The following KIAA1210 variants were observed in gnomAD, a reference collection of about 807,000 sequenced individuals.
The protein encoded by KIAA1210 is acrosomal protein KIAA1210.
Under a neutral mutation model 78.9 loss-of-function variants are expected in KIAA1210, and 48 were observed. That is an observed-to-expected ratio of 0.61 (90% CI 0.48 to 0.77). KIAA1210 has a LOEUF of 0.77. Ranked by LOEUF, KIAA1210 falls within the 30% of genes least tolerant of loss-of-function variation. KIAA1210 has a pLI of 0.00. For synonymous variants in KIAA1210, 406 were observed against 404.5 expected, an observed-to-expected ratio of 1.00 and a Z score of -0.04; for missense variants, 1,108 against 1,100.0, an observed-to-expected ratio of 1.01 and a Z score of -0.10.
At chrX:119,117,592 A>G (rs1246904528) in intron 2 of KIAA1210, among the ~76,000 whole-genome samples, 2 of 99,083 alleles carry the variant, frequency 2.0e-5, no homozygotes, top group Non-Finnish European at 4.0e-5. Flanking sequence ...TTTTTGAGAC[A>G]GAGCCTCACT....
intron 1 of KIAA1210, among the ~76,000 whole-genome samples, chrX:119,147,814 A>T (rs776087426): frequency 9.0e-6 from 1 of 111,506 alleles, no homozygotes; most frequent in East Asian, 2.8e-4. Flanking sequence ...TGAAATCGGA[A>T]ATGGGTTGTA....
Position 119,088,420 on chromosome X carries a change from T to C in KIAA1210, c.2282A>G (p.Lys761Arg). Residue 761 changes from lysine to arginine, a missense_variant, in exon 9 of 12, where the codon AAA (lysine) becomes AGA (arginine). By Grantham distance (26) the Lys-to-Arg change is conservative. Coordinates refer to ENST00000691062, the MANE Select transcript of KIAA1210 (RefSeq NM_001394962.1). ...GATTGGCTCCACGGAATCGCTCTGT[T>C]TTATAGAAGTGCCCACTGAACTGGT... Reference protein sequence around the residue: ...VPTSSVGTSIKQSDSVEPIPP... With the variant: ...VPTSSVGTSIRQSDSVEPIPP... 8.3e-7 allele frequency: 1 copy of C among 1,211,203 alleles called. No homozygotes were observed. Among genetic ancestry groups the C allele is most frequent in the Non-Finnish European group, 1.1e-6 (1 of 895,277 alleles).
chrX:119,115,180 C>T (rs2147186394), intron 3 of KIAA1210, among the ~76,000 whole-genome samples: 1 of 111,497 alleles, frequency 9.0e-6, no homozygotes, highest in Non-Finnish European at 1.9e-5. Flanking sequence ...GGGTGATCTT[C>T]AGGCCCCCTA....
chrX:119,117,196 G>A (rs1207734574), intron 2 of KIAA1210, among the ~76,000 whole-genome samples: 1 of 112,415 alleles, frequency 8.9e-6, no homozygotes, highest in East Asian at 2.8e-4. Context: ...AAAGGATGCA[G>A]ACCCAAAGAG....
At chrX:119,102,433 C>T (rs1404291745) in intron 6 of KIAA1210, among the ~76,000 whole-genome samples, 1 of 111,085 alleles carries the variant, frequency 9.0e-6, no homozygotes, top group Non-Finnish European at 1.9e-5. Flanking sequence ...AGTGGCTACA[C>T]ACAGGCATGA....
chrX:119,090,763 T>A lies in KIAA1210; in HGVS notation c.956-1017A>T, dbSNP rs181100077. 2.8e-3 allele frequency among the ~76,000 whole-genome samples: 316 copies of A among 111,406 alleles called. 1 individual carries two copies. Among genetic ancestry groups the A allele is most frequent in the African/African-American group, 9.7e-3 (296 of 30,625 alleles). On this transcript the variant is annotated intron_variant, in intron 8 of 11. Coordinates refer to ENST00000691062, the MANE Select transcript of KIAA1210 (RefSeq NM_001394962.1). ...AAGACAAATAGCATGTAGATATTCA[T>A]GCTGTGAGCTTTTTCCAAGAAGCAA... is the stretch of plus-strand genomic sequence containing the variant.
At position 119,096,390 on chromosome X, in the gene KIAA1210, A is replaced by G. The variant is rs1927553290; in HGVS notation, c.846+104T>C. 9 of 754,374 alleles carry G rather than the reference A, an allele frequency of 1.2e-5. No individual in the cohort carries two copies. The South Asian group carries it at 2.7e-4, about 23-fold the overall frequency. The allele number at this position is 754,374 out of a possible 1,213,427, so 62.2% of individuals were successfully genotyped here. A position where few individuals can be genotyped will look rare whatever the true frequency, so the allele number is the denominator to read the frequency against. On this transcript the variant is annotated intron_variant, in intron 7 of 11. Transcript: ENST00000691062. ...TGACCTTGCCAAGCTTACTTAGGGC[A>G]TGAGTCTCCTACACCATACTATTTC...
At chrX:119,081,534 A>G (rs760634258) in intron 11 of KIAA1210, 30 bp from the exon 12 acceptor site, 1 of 1,175,208 alleles carries the variant, frequency 8.5e-7, no homozygotes, top group South Asian at 1.9e-5. Flanking sequence ...CACACAAGCA[A>G]TAAGGAACCC....
Position 119,079,580 on chromosome X carries a change from C to T in KIAA1210, c.*1749G>A, listed in dbSNP as rs998919097. Reference sequence around the variant, plus strand: ...AGGTGCCTACATCTTCATCCTCAGCCGAGGAGTTATTAATGGAGGCTGTGC... The same window carrying T: ...AGGTGCCTACATCTTCATCCTCAGCTGAGGAGTTATTAATGGAGGCTGTGC... On this transcript the variant is annotated 3_prime_UTR_variant, in exon 12 of 12. Coordinates refer to ENST00000691062, the MANE Select transcript of KIAA1210 (RefSeq NM_001394962.1). 2 of 111,605 alleles carry T rather than the reference C, an allele frequency of 1.8e-5. No homozygotes were observed. Among genetic ancestry groups the T allele is most frequent in the African/African-American group, 3.3e-5 (1 of 30,683 alleles). The allele number at this position is 111,605 out of a possible 1,213,427, so 9.2% of individuals were successfully genotyped here.
chrX:119,089,813 G>C, intron 8 of KIAA1210, 67 bp from the exon 9 acceptor site: 1 of 1,034,820 alleles, frequency 9.7e-7, no homozygotes, highest in Admixed American at 2.8e-5. Context: ...TAAGAATACT[G>C]TGCCCTGGCC....
chrX:119,129,403 T>C (rs1241522609), upstream of KIAA1210, among the ~76,000 whole-genome samples: 1 of 111,233 alleles, frequency 9.0e-6, no homozygotes, highest in African/African-American at 3.3e-5. Flanking sequence ...TAATGTAAAA[T>C]ATATCATTAA....
At chrX:119,107,587 A>G (rs748877406) in intron 5 of KIAA1210, among the ~76,000 whole-genome samples, 1 of 112,506 alleles carries the variant, frequency 8.9e-6, no homozygotes, top group East Asian at 2.8e-4. Flanking sequence ...TTTAGGGTCA[A>G]CACCATTAGT....
rs957723790 is a variant in KIAA1210 at position 119,081,173 on chromosome X, G to T, written c.*156C>A. 2.7e-6 allele frequency: 1 copy of T among 368,766 alleles called. No homozygotes were observed. The highest frequency in any genetic ancestry group is 4.4e-6 in the Non-Finnish European group (1 of 227,480). 30.4% of individuals were successfully genotyped at this position (368,766 alleles called of 1,213,427 possible). A position where few individuals can be genotyped will look rare whatever the true frequency, so the allele number is the denominator to read the frequency against. On this transcript the variant is annotated 3_prime_UTR_variant, in exon 12 of 12. Coordinates refer to ENST00000691062, the MANE Select transcript of KIAA1210 (RefSeq NM_001394962.1). ...TCCCAGCTAGTCGGGAGACTGAGGCGGGAGAGTGGCGTGAACCCGGGAGGC... is the reference window on the plus strand; with the variant it reads ...TCCCAGCTAGTCGGGAGACTGAGGCTGGAGAGTGGCGTGAACCCGGGAGGC...
At chrX:119,091,147 G>A (rs980169802) in intron 8 of KIAA1210, among the ~76,000 whole-genome samples, 9 of 112,320 alleles carry the variant, frequency 8.0e-5, no homozygotes, top group African/African-American at 2.3e-4. Flanking sequence ...CACTAATCAC[G>A]AGGGAAATGC....
chrX:119,114,673 G>A (rs1030530444), intron 3 of KIAA1210, among the ~76,000 whole-genome samples: 2 of 111,455 alleles, frequency 1.8e-5, no homozygotes, highest in Non-Finnish European at 3.8e-5. Context: ...GCTATGAGTG[G>A]GCTTAGAAAT....
At chrX:119,108,677 C>A (rs972450859) in intron 4 of KIAA1210, among the ~76,000 whole-genome samples, 1 of 109,526 alleles carries the variant, frequency 9.1e-6, no homozygotes, top group African/African-American at 3.3e-5. Flanking sequence ...CCAGCCTGGG[C>A]AACATGGTGA....
In KIAA1210 at chrX:119,083,249, A is replaced by C. The variant is rs181950366; in HGVS notation, c.4321-129T>G. 1,917 of 393,312 alleles carry C rather than the reference A, an allele frequency of 4.9e-3. 4 individuals carry two copies. Among genetic ancestry groups the C allele is most frequent in the Non-Finnish European group, 6.0e-3 (1,437 of 237,851 alleles). 32.4% of individuals were successfully genotyped at this position (393,312 alleles called of 1,213,427 possible). A position where few individuals can be genotyped will look rare whatever the true frequency, so the allele number is the denominator to read the frequency against. The stretch of plus-strand genomic sequence containing the variant: ...TGAGTTTAACAGTATCCAAAAGGAA[A>C]GAGATTAGAAATATAGAGATAGATA... On this transcript the variant is annotated intron_variant, in intron 10 of 11. Coordinates refer to ENST00000691062, the MANE Select transcript of KIAA1210 (RefSeq NM_001394962.1).
At chrX:119,094,692 G>A (rs1455107152) in intron 7 of KIAA1210, among the ~76,000 whole-genome samples, 1 of 111,670 alleles carries the variant, frequency 9.0e-6, no homozygotes, top group South Asian at 3.8e-4. Context: ...AAATTACAGA[G>A]CAGGGAGAAA....
Position 119,086,855 on chromosome X carries a change from T to C in KIAA1210, c.3847A>G (p.Asn1283Asp). ...KKEDLESGDG[N>D]NNQHANLSNQ... ...GATAGGTTTGCATGCTGGTTATTAT[T>C]ACCATCACCACTCTCAAGATCTTCT... The change falls in exon 9 of 12, where the codon AAT becomes GAT. Residue 1283 changes from asparagine to aspartate, a missense_variant. This residue lies in a region of KIAA1210 where 245 missense variants were observed against 278.8 expected (regional missense o/e 0.88). Coordinates refer to ENST00000691062, the MANE Select transcript of KIAA1210 (RefSeq NM_001394962.1). 2 of 1,211,482 alleles carry C rather than the reference T, an allele frequency of 1.7e-6. No individual in the cohort carries two copies. The highest frequency in any genetic ancestry group is 1.1e-6 in the Non-Finnish European group (1 of 895,300).
Sources: gnomAD v4.1 joint callset for allele counts (sites outside exome capture counted in the v4.1 genomes callset) on GRCh38, gnomAD v4.1.1 for gene constraint, gnomAD v4.1.1 regional missense constraint, MANE v1.5 for transcripts, NCBI Gene and HGNC (gene_info 2026-07-23, HGNC 2026-07-21) for gene names.